Variants in DCC observed in about 807,000 individuals in gnomAD.
The protein encoded by DCC is DCC netrin 1 receptor, also known as netrin receptor DCC.
In DCC, 58 loss-of-function variants were observed where a neutral mutation model predicts 172.5. The ratio of observed to expected loss-of-function variants is 0.34; its 90% CI spans 0.27 to 0.42. The LOEUF is 0.42. DCC is among the 10% of genes least tolerant of loss of function. The pLI is 1.00. For missense variants in DCC, 1,740 were observed against 1,791.0 expected, an observed-to-expected ratio of 0.97 and a Z score of 0.51; for synonymous variants, 709 against 644.5, an observed-to-expected ratio of 1.10 and a Z score of -1.52.
chr18:52,588,659 G>C (rs945220939), intron 1 of DCC, among the ~76,000 whole-genome samples: 5 of 152,162 alleles, frequency 3.3e-5, no homozygotes, highest in African/African-American at 1.2e-4. Context: ...TTTAAGCTGA[G>C]ACTTCAAGGA....
At chr18:53,325,196 C>CAA (rs750007696) in intron 14 of DCC, among the ~76,000 whole-genome samples, 11,685 of 64,220 alleles carry the variant, frequency 0.18, 1,278 homozygotes, top group African/African-American at 0.29. Context: ...GACTCCATCT[C>CAA]AAAAAAAAAA....
At chr18:52,403,467 T>C (rs1986518055) in intron 1 of DCC, among the ~76,000 whole-genome samples, 1 of 151,970 alleles carries the variant, frequency 6.6e-6, no homozygotes, top group African/African-American at 2.4e-5. Context: ...AACAGCCCAA[T>C]TGTGTTTTGA....
intron 7 of DCC, among the ~76,000 whole-genome samples, chr18:53,141,937 C>T (rs549895435): frequency 6.6e-6 from 1 of 152,274 alleles, no homozygotes; most frequent in South Asian, 2.1e-4. Flanking sequence ...TGCTCATATG[C>T]TCTGAAACAA....
chr18:53,206,737 A>T (rs1335190366), intron 10 of DCC, among the ~76,000 whole-genome samples: 1 of 150,094 alleles, frequency 6.7e-6, no homozygotes, highest in African/African-American at 2.4e-5. Flanking sequence ...AGGAAAATAT[A>T]TACAGACATG....
chr18:53,156,234 C>T (rs1414372670), intron 7 of DCC, among the ~76,000 whole-genome samples: 2 of 152,080 alleles, frequency 1.3e-5, no homozygotes, highest in African/African-American at 4.8e-5. Flanking sequence ...CCTGTATCTC[C>T]AGGACTTTGA....
chr18:52,705,499 C>T (rs546757327), intron 1 of DCC, among the ~76,000 whole-genome samples: 67 of 152,296 alleles, frequency 4.4e-4, no homozygotes, highest in African/African-American at 1.5e-3. Context: ...ATTTGATACA[C>T]ATGCTGGTAG....
intron 1 of DCC, among the ~76,000 whole-genome samples, chr18:52,500,084 G>C (rs1043676746): frequency 6.6e-6 from 1 of 151,492 alleles, no homozygotes; most frequent in East Asian, 1.9e-4. Flanking sequence ...TAGACATACA[G>C]TGCTGTTCTG....
chr18:52,520,484 TA>T (rs2031777803), intron 1 of DCC, among the ~76,000 whole-genome samples: 1 of 152,000 alleles, frequency 6.6e-6, no homozygotes, highest in Non-Finnish European at 1.5e-5. Context: ...TTAAATAGAG[TA>T]ATATTAATGG....
At chr18:52,821,116 A>C (rs1249573275) in intron 2 of DCC, among the ~76,000 whole-genome samples, 1 of 152,098 alleles carries the variant, frequency 6.6e-6, no homozygotes, top group Non-Finnish European at 1.5e-5. Flanking sequence ...TATCTACTAC[A>C]TTCATTTTCT....
At chr18:52,742,353 C>A (rs759103724) in intron 1 of DCC, among the ~76,000 whole-genome samples, 8 of 152,172 alleles carry the variant, frequency 5.3e-5, no homozygotes, top group Non-Finnish European at 1.0e-4. Flanking sequence ...CACTTAGTCT[C>A]TTCTGACATT....
intron 1 of DCC, among the ~76,000 whole-genome samples, chr18:52,485,473 T>C (rs1387257351): frequency 6.6e-6 from 1 of 152,114 alleles, no homozygotes; most frequent in Non-Finnish European, 1.5e-5. Flanking sequence ...GAGTTATTTC[T>C]TCCATCTTAT....
chr18:52,441,190 G>A (rs1987959582), intron 1 of DCC, among the ~76,000 whole-genome samples: 1 of 152,148 alleles, frequency 6.6e-6, no homozygotes, highest in Non-Finnish European at 1.5e-5. Flanking sequence ...TATGAGAGAT[G>A]TTCATTTGTC....
intron 1 of DCC, among the ~76,000 whole-genome samples, chr18:52,462,080 C>A (rs1205989365): frequency 6.6e-6 from 1 of 152,114 alleles, no homozygotes; most frequent in Non-Finnish European, 1.5e-5. Context: ...TTTGGCCGCA[C>A]CTTCAATTTA....
chr18:52,867,251 C>A (rs998540688), intron 2 of DCC, among the ~76,000 whole-genome samples: 1 of 152,148 alleles, frequency 6.6e-6, no homozygotes, highest in African/African-American at 2.4e-5. Flanking sequence ...GGTGGATAAG[C>A]TTTTTGATGT....
intron 9 of DCC, among the ~76,000 whole-genome samples, chr18:53,197,100 T>C (rs1281128339): frequency 6.6e-6 from 1 of 152,110 alleles, no homozygotes; most frequent in Non-Finnish European, 1.5e-5. Context: ...TACTTTATTA[T>C]CAATAAATGT....
chr18:53,453,973 T>A (rs923247420), intron 23 of DCC, among the ~76,000 whole-genome samples: 5 of 152,214 alleles, frequency 3.3e-5, no homozygotes, highest in Non-Finnish European at 5.9e-5. Flanking sequence ...TTTATTAAAC[T>A]TTTTTACTAC....
intron 1 of DCC, among the ~76,000 whole-genome samples, chr18:52,723,451 G>A (rs560693343): frequency 1.3e-5 from 2 of 152,248 alleles, no homozygotes; most frequent in Admixed American, 6.5e-5. Context: ...ATTGTAGAAC[G>A]CCAACAGTAG....
chr18:53,130,683 C>G (rs1001465541), intron 7 of DCC, among the ~76,000 whole-genome samples: 8 of 152,094 alleles, frequency 5.3e-5, no homozygotes, highest in Non-Finnish European at 8.8e-5. Context: ...TCTGTATTAT[C>G]AGGCTGTCCT....
At chr18:52,887,315 T>C (rs1166733366) in intron 2 of DCC, among the ~76,000 whole-genome samples, 1 of 152,148 alleles carries the variant, frequency 6.6e-6, no homozygotes, top group African/African-American at 2.4e-5. Flanking sequence ...GGTTTTTTTT[T>C]TTTAAACTAT....
Sources: gnomAD v4.1 joint callset for allele counts (sites outside exome capture counted in the v4.1 genomes callset) on GRCh38, gnomAD v4.1.1 for gene constraint, MANE v1.5 for transcripts, NCBI Gene and HGNC (gene_info 2026-07-23, HGNC 2026-07-21) for gene names.